NRCAM: variants seen among roughly 807,000 people sequenced by gnomAD.
NRCAM encodes the protein NgCAM-related cell adhesion molecule.
A neutral mutation model predicts 156.5 loss-of-function variants in NRCAM; 83 were observed. The ratio of observed to expected loss-of-function variants is 0.53; its 90% confidence interval spans 0.44 to 0.64. The LOEUF is 0.64. NRCAM is among the 30% of genes least tolerant of loss of function. The probability of loss-of-function intolerance (pLI) is 0.00; values close to 1 mark genes in which losing one functional copy is unlikely to be tolerated. For synonymous variants in NRCAM, 538 were observed against 563.9 expected, an observed-to-expected ratio of 0.95 and a Z score of 0.65; for missense variants, 1,417 against 1,597.3, an observed-to-expected ratio of 0.89 and a Z score of 1.92.
chr7:108,169,988 C>T (rs2057452923), intron 28 of NRCAM, among the ~76,000 whole-genome samples: 1 of 152,098 alleles, frequency 6.6e-6, no homozygotes, highest in Non-Finnish European at 1.5e-5. Flanking sequence ...TCTATGGGTG[C>T]TCCCTTCTCA....
chr7:108,168,997 G>C (rs1313439030), intron 28 of NRCAM, among the ~76,000 whole-genome samples: 2 of 152,120 alleles, frequency 1.3e-5, no homozygotes, highest in African/African-American at 4.8e-5. Flanking sequence ...GGATGGTAAG[G>C]GTATGTTGGA....
At chr7:108,332,886 T>C (rs775384173) in intron 2 of NRCAM, among the ~76,000 whole-genome samples, 11 of 152,062 alleles carry the variant, frequency 7.2e-5, no homozygotes, top group Non-Finnish European at 1.2e-4. Flanking sequence ...AATGTAATAA[T>C]AACCGAAATT....
intron 2 of NRCAM, among the ~76,000 whole-genome samples, chr7:108,326,669 A>T (rs1593495189): frequency 6.6e-6 from 1 of 152,168 alleles, no homozygotes; most frequent in East Asian, 1.9e-4. Context: ...CAGCAGAAAC[A>T]TATTATTCTC....
chr7:108,252,918 G>C (rs1001095203), intron 3 of NRCAM, among the ~76,000 whole-genome samples: 1 of 152,264 alleles, frequency 6.6e-6, no homozygotes, highest in Non-Finnish European at 1.5e-5. Context: ...AACATTTTAA[G>C]TGGAAGGCAA....
intron 2 of NRCAM, among the ~76,000 whole-genome samples, chr7:108,378,440 T>C (rs2099685630): frequency 6.6e-6 from 1 of 151,538 alleles, no homozygotes. Flanking sequence ...GAGAGAGAAA[T>C]ACATTTAAAA....
chr7:108,316,979 CACTTCTTTGT>C (rs1158174350), intron 2 of NRCAM, among the ~76,000 whole-genome samples: 3 of 152,184 alleles, frequency 2.0e-5, no homozygotes, highest in Non-Finnish European at 4.4e-5. Context: ...TAATATGTGT[CACTTCTTTGT>C]TCAGATGTTT....
intron 3 of NRCAM, among the ~76,000 whole-genome samples, chr7:108,244,067 T>C (rs1311550975): frequency 6.6e-6 from 1 of 152,190 alleles, no homozygotes. Context: ...AGAAGTCTTG[T>C]CTTTAGAAGG....
At chr7:108,184,126 A>T (rs201449992) in intron 22 of NRCAM, 115 bp downstream of exon 22, 73 of 538,612 alleles carry the variant, frequency 1.4e-4, no homozygotes, top group African/African-American at 8.3e-4. Flanking sequence ...ATATATATAT[A>T]TATTTTTTTT....
At chr7:108,409,853 C>G (rs1273466166) in intron 1 of NRCAM, among the ~76,000 whole-genome samples, 1 of 152,164 alleles carries the variant, frequency 6.6e-6, no homozygotes, top group African/African-American at 2.4e-5. Flanking sequence ...CATCTAGATT[C>G]TAACACTATA....
chr7:108,178,702 T>G (rs1376118939), intron 25 of NRCAM, among the ~76,000 whole-genome samples: 1 of 152,226 alleles, frequency 6.6e-6, no homozygotes, highest in Non-Finnish European at 1.5e-5. Context: ...TCTCAGGTTC[T>G]CTGTGGCAGA....
At chr7:108,362,802 A>G (rs1441156262) in intron 2 of NRCAM, among the ~76,000 whole-genome samples, 4 of 152,344 alleles carry the variant, frequency 2.6e-5, no homozygotes, top group South Asian at 4.1e-4. Flanking sequence ...GTATCTACAC[A>G]GGTTATCATG....
chr7:108,298,824 G>A (rs562484586), intron 3 of NRCAM, among the ~76,000 whole-genome samples: 157 of 150,958 alleles, frequency 1.0e-3, no homozygotes, highest in Non-Finnish European at 1.7e-3. Flanking sequence ...ACACAAATAC[G>A]GGGCCAGGCG....
intron 32 of NRCAM, chr7:108,156,677 A>T (rs2045677232): frequency 6.6e-6 from 1 of 152,150 alleles, no homozygotes; most frequent in South Asian, 2.1e-4. Flanking sequence ...AAATGGAATT[A>T]ATTTACACCT....
chr7:108,315,526 G>A (rs1290368017), intron 2 of NRCAM, among the ~76,000 whole-genome samples: 6 of 152,182 alleles, frequency 3.9e-5, no homozygotes, highest in Non-Finnish European at 7.3e-5. Context: ...TATGGTCTGA[G>A]ATAAAGCATG....
chr7:108,214,829 T>C (rs1467769102), intron 11 of NRCAM, among the ~76,000 whole-genome samples: 1 of 152,204 alleles, frequency 6.6e-6, no homozygotes, highest in Non-Finnish European at 1.5e-5. Context: ...AAAGAACTTA[T>C]TTATTTCTGC....
At chr7:108,231,727 T>G (rs1044323464) in intron 7 of NRCAM, among the ~76,000 whole-genome samples, 6 of 152,156 alleles carry the variant, frequency 3.9e-5, no homozygotes, top group African/African-American at 1.4e-4. Flanking sequence ...TCATGAACAG[T>G]TTTTAAATTT....
At chr7:108,386,595 A>G (rs2154367272) in intron 2 of NRCAM, among the ~76,000 whole-genome samples, 1 of 152,276 alleles carries the variant, frequency 6.6e-6, no homozygotes, top group East Asian at 1.9e-4. Flanking sequence ...TTCACATAGA[A>G]TATAGAGATG....
intron 2 of NRCAM, among the ~76,000 whole-genome samples, chr7:108,336,338 G>A (rs999350277): frequency 1.8e-4 from 27 of 152,092 alleles, no homozygotes; most frequent in Non-Finnish European, 4.4e-5. Flanking sequence ...AAGAATGGAC[G>A]CAGTGTTTAC....
At chr7:108,425,945 C>T (rs568901351) in intron 1 of NRCAM, among the ~76,000 whole-genome samples, 20 of 152,244 alleles carry the variant, frequency 1.3e-4, no homozygotes, top group South Asian at 1.2e-3. Flanking sequence ...GGCTTTCTTT[C>T]GAGTCTAGAG....
Sources: gnomAD v4.1 joint callset for allele counts (sites outside exome capture counted in the v4.1 genomes callset) on GRCh38, gnomAD v4.1.1 for gene constraint, MANE v1.5 for transcripts, NCBI Gene and HGNC (gene_info 2026-07-23, HGNC 2026-07-21) for gene names.